LEMD3: variants seen among roughly 807,000 people sequenced by gnomAD.
LEMD3 encodes the protein LEM domain containing 3.
LEMD3 carries 33 observed loss-of-function variants against 95.2 expected under a neutral mutation model. The ratio of observed to expected loss-of-function variants is 0.35; its 90% confidence interval spans 0.26 to 0.46. The LOEUF is 0.46. LEMD3 is among the 20% of genes least tolerant of loss of function. LEMD3 has a pLI of 1.00. For missense variants in LEMD3, 1,210 were observed against 1,192.8 expected, an observed-to-expected ratio of 1.01 and a Z score of -0.21; for synonymous variants, 525 against 474.6, an observed-to-expected ratio of 1.11 and a Z score of -1.38.
At chr12:65,174,982 C>A (rs929016959) in intron 1 of LEMD3, among the ~76,000 whole-genome samples, 8 of 152,122 alleles carry the variant, frequency 5.3e-5, no homozygotes, top group Admixed American at 6.5e-5. Context: ...AGCCTTTGAT[C>A]AGGAGAAGAG....
At chr12:65,234,112 A>G (rs770537848) in intron 4 of LEMD3, among the ~76,000 whole-genome samples, 5 of 152,220 alleles carry the variant, frequency 3.3e-5, no homozygotes, top group Non-Finnish European at 7.3e-5. Flanking sequence ...TTGTTTTATG[A>G]TGCTGGAATG....
chr12:65,236,494 T>C (rs1592461175), intron 4 of LEMD3, among the ~76,000 whole-genome samples: 1 of 151,624 alleles, frequency 6.6e-6, no homozygotes, highest in Non-Finnish European at 1.5e-5. Flanking sequence ...GAGGTTGCAG[T>C]GAGGCGAGTT....
chr12:65,192,249 A>C (rs1869267198), intron 1 of LEMD3, among the ~76,000 whole-genome samples: 1 of 152,216 alleles, frequency 6.6e-6, no homozygotes, highest in Non-Finnish European at 1.5e-5. Context: ...ATCATTTTTA[A>C]AGTAACTTTT....
Position 65,171,608 on chromosome 12 carries a change from CTG to C in LEMD3, c.1522+492_1522+493del, listed in dbSNP as rs559204551. ...CGGATTAAATATTTTGTGGTATTAA[CTG>C]TATGTATAATTTCTTTATAGTGAAT... On this transcript the variant is annotated intron_variant, in intron 1 of 12. Coordinates refer to ENST00000308330, the MANE Select transcript of LEMD3 (RefSeq NM_014319.5). The C allele has an allele frequency of 2.0e-4, 37 of 182,850 alleles. No homozygotes were observed. The South Asian group carries it at 3.5e-3, about 17-fold the overall frequency. The allele number at this position is 182,850 out of a possible 1,614,324, so 11.3% of individuals were successfully genotyped here.
At chr12:65,176,633 A>C (rs1363948963) in intron 1 of LEMD3, among the ~76,000 whole-genome samples, 2 of 152,216 alleles carry the variant, frequency 1.3e-5, no homozygotes, top group Non-Finnish European at 2.9e-5. Context: ...TACAGTGTTA[A>C]AGAGTACAAA....
intron 1 of LEMD3, among the ~76,000 whole-genome samples, chr12:65,184,063 GT>G (rs1868987364): frequency 6.6e-6 from 1 of 152,120 alleles, no homozygotes; most frequent in South Asian, 2.1e-4. Flanking sequence ...AAGGGTTTCA[GT>G]ACTTCATTCT....
intron 1 of LEMD3, among the ~76,000 whole-genome samples, chr12:65,196,637 A>AAT (rs1208415989): frequency 6.6e-6 from 1 of 152,076 alleles, no homozygotes; most frequent in African/African-American, 2.4e-5. Flanking sequence ...TGCTAGACCC[A>AAT]ATATAGTCTC....
At chr12:65,238,628 G>A (rs1565799083) in intron 5 of LEMD3, 41 bp from the exon 6 acceptor site, 2 of 1,613,158 alleles carry the variant, frequency 1.2e-6, no homozygotes, top group Non-Finnish European at 1.7e-6. Context: ...TGGGAGAAAT[G>A]GTTTTTGACT....
At chr12:65,230,806 A>G (rs1002290314) in intron 4 of LEMD3, among the ~76,000 whole-genome samples, 1 of 152,174 alleles carries the variant, frequency 6.6e-6, no homozygotes, top group Non-Finnish European at 1.5e-5. Flanking sequence ...AAGAATGGTG[A>G]GAATGGGCAC....
intron 6 of LEMD3, among the ~76,000 whole-genome samples, chr12:65,239,563 A>G (rs1399919176): frequency 6.6e-6 from 1 of 152,144 alleles, no homozygotes; most frequent in Admixed American, 6.5e-5. Context: ...CAACAACAAC[A>G]AAAGAAAAAT....
chr12:65,228,365 TTTATTA>T (rs3047069), intron 4 of LEMD3, among the ~76,000 whole-genome samples: 3 of 139,028 alleles, frequency 2.2e-5, no homozygotes, highest in African/African-American at 7.7e-5. Flanking sequence ...CTTTTTGTGT[TTTATTA>T]TTATTATTGT....
At chr12:65,245,297 ATTT>A (rs531377376) in intron 10 of LEMD3, 21 of 169,896 alleles carry the variant, frequency 1.2e-4, no homozygotes, top group South Asian at 4.6e-4. Flanking sequence ...CGCCTGGCTA[ATTT>A]TTTTTTTTTT....
chr12:65,235,255 C>G (rs17101175), intron 4 of LEMD3, among the ~76,000 whole-genome samples: 44,086 of 151,880 alleles, frequency 0.29, 6,499 homozygotes, highest in Admixed American at 0.36. Flanking sequence ...ATTAATCTTG[C>G]TTTGTAGATT....
intron 4 of LEMD3, among the ~76,000 whole-genome samples, chr12:65,225,185 G>C (rs1870410096): frequency 6.6e-6 from 1 of 151,888 alleles, no homozygotes; most frequent in East Asian, 1.9e-4. Context: ...TGAATTCTTT[G>C]TCATGTAATT....
Position 65,170,203 on chromosome 12 carries a change from G to A in LEMD3, c.607G>A (p.Ala203Thr). Residue 203 changes from alanine to threonine, a missense_variant, in exon 1 of 13, where the codon GCG becomes ACG. Ala to Thr is a moderately conservative substitution (Grantham distance 58). Transcript: ENST00000308330. ...CTCGTGGTGGGGGGCCAGGAGGCCGGCGGGCCCCGAGCTGCAGACCCCGCC... is the reference window on the plus strand; with the variant it reads ...CTCGTGGTGGGGGGCCAGGAGGCCGACGGGCCCCGAGCTGCAGACCCCGCC... ...PHSWWGARRP[A>T]GPELQTPPGK... 1 of 1,495,712 alleles carries A rather than the reference G, an allele frequency of 6.7e-7. No individual in the cohort carries two copies. The highest frequency in any genetic ancestry group is 1.3e-5 in the South Asian group (1 of 74,504). The allele number at this position is 1,495,712 out of a possible 1,614,324, so 92.7% of individuals were successfully genotyped here.
chr12:65,192,960 T>A (rs1037998404), intron 1 of LEMD3, among the ~76,000 whole-genome samples: 8 of 152,222 alleles, frequency 5.3e-5, no homozygotes, highest in African/African-American at 1.9e-4. Context: ...TTACAGCATG[T>A]GCATGTTAGG....
intron 4 of LEMD3, among the ~76,000 whole-genome samples, chr12:65,236,068 A>G (rs911487599): frequency 6.6e-6 from 1 of 152,220 alleles, no homozygotes; most frequent in Admixed American, 6.5e-5. Context: ...AATTTGATAC[A>G]TTAGAATAAC....
rs1869918436 is a variant in LEMD3, at chr12:65,210,931, A to G, written c.1528A>G (p.Asn510Asp). 1.4e-5 allele frequency: 22 copies of G among 1,593,842 alleles called. No individual in the cohort carries two copies. The East Asian group carries it at 4.9e-4, about 36-fold the overall frequency. Residue 510 changes from asparagine (N) to aspartate (D), a missense_variant, in exon 2 of 13, where the codon AAC becomes GAC. Coordinates refer to ENST00000308330, the MANE Select transcript of LEMD3 (RefSeq NM_014319.5). Reference protein sequence around the residue: ...VSEDGELSIENPFGETFGKIQ... With the variant: ...VSEDGELSIEDPFGETFGKIQ... ...TTTTTTTCCTTCCTTGATAGTAGAA[A>G]ACCCCTTTGGTGAAACATTTGGAAA...
chr12:65,174,570 C>T (rs964771054), intron 1 of LEMD3, among the ~76,000 whole-genome samples: 14 of 152,122 alleles, frequency 9.2e-5, no homozygotes, highest in African/African-American at 3.4e-4. Context: ...TAGCCTCATG[C>T]TGCCCCCATA....
Sources: allele counts gnomAD v4.1 joint callset (sites outside exome capture counted in the v4.1 genomes callset), GRCh38; gene constraint gnomAD v4.1.1; transcripts MANE v1.5; gene names NCBI Gene and HGNC (gene_info 2026-07-23, HGNC 2026-07-21).